Variants in ORC1 observed in about 807,000 individuals in gnomAD.
ORC1 encodes the protein origin recognition complex, subunit 1 homolog.
Under a neutral mutation model 98.9 loss-of-function variants are expected in ORC1, and 61 were observed. The observed-to-expected ratio is 0.62, with a 90% CI of 0.50 to 0.76. ORC1 has a LOEUF of 0.76. Ranked by LOEUF, ORC1 falls within the 30% of genes least tolerant of loss-of-function variation. The probability of loss-of-function intolerance (pLI) is 0.00; values close to 1 mark genes in which losing one functional copy is unlikely to be tolerated. For synonymous variants in ORC1, 385 were observed against 406.9 expected (o/e 0.95, Z 0.65); for missense variants, 979 against 1,072.2 (o/e 0.91, Z 1.21).
rs1400311570 is a variant in ORC1 at position 52,396,079 on chromosome 1, T to A, written c.688A>T (p.Thr230Ser). ...TCCAGCCTCTTTCTGGCTCTTGGGG[T>A]AAGAGGATGGGTAGGAGTTTGGCGA... is the stretch of plus-strand genomic sequence containing the variant. ...KSRQTPTHPLTPRARKRLELG... is the reference protein window; with the variant it reads ...KSRQTPTHPLSPRARKRLELG... The change falls in exon 5 of 17, where the codon ACC becomes TCC. Residue 230 changes from threonine (T) to serine (S), a missense_variant. Thr to Ser is a moderately conservative substitution (Grantham distance 58). Transcript: ENST00000371568. The A allele has an allele frequency of 1.2e-6, 2 of 1,613,956 alleles. No homozygotes were observed. The highest frequency in any genetic ancestry group is 1.7e-6 in the Non-Finnish European group (2 of 1,180,032).
At chr1:52,405,612 G>T, upstream of ORC1, 1 of 1,494,958 alleles carries the variant, frequency 6.7e-7, no homozygotes, top group South Asian at 1.2e-5. Flanking sequence ...ACCAAAGCTT[G>T]AACTAACTCC....
At chr1:52,397,549 G>A in intron 4 of ORC1, 136 bp downstream of exon 4, 1 of 836,936 alleles carries the variant, frequency 1.2e-6, no homozygotes, top group Middle Eastern at 3.4e-4. Flanking sequence ...AAACAGACAG[G>A]CAAGCACAGA....
At chr1:52,405,250 C>T (rs1647945204), upstream of ORC1, among the ~76,000 whole-genome samples, 1 of 152,216 alleles carries the variant, frequency 6.6e-6, no homozygotes, top group African/African-American at 2.4e-5. Flanking sequence ...CATGATCTTA[C>T]TATTCTTAGA....
intron 8 of ORC1, among the ~76,000 whole-genome samples, chr1:52,387,105 T>A (rs551566875): frequency 6.6e-6 from 1 of 152,262 alleles, no homozygotes; most frequent in East Asian, 1.9e-4. Context: ...TCCCTACTTT[T>A]GGGTGGGGGC....
At chr1:52,382,385 G>T (rs1343825574) in intron 13 of ORC1, among the ~76,000 whole-genome samples, 1 of 152,102 alleles carries the variant, frequency 6.6e-6, no homozygotes, top group East Asian at 1.9e-4. Flanking sequence ...ATTGAAGTGG[G>T]TGAGAGGATC....
At chr1:52,396,017 T>G in intron 5 of ORC1, 29 bp downstream of exon 5, 1 of 1,614,150 alleles carries the variant, frequency 6.2e-7, no homozygotes, top group Non-Finnish European at 8.5e-7. Context: ...GCCCCAGTAT[T>G]GCCCACGGTG....
At chr1:52,394,353 A>G (rs1482908059) in intron 5 of ORC1, among the ~76,000 whole-genome samples, 2 of 152,224 alleles carry the variant, frequency 1.3e-5, no homozygotes, top group Admixed American at 1.3e-4. Flanking sequence ...TCATTTGCAG[A>G]TACCAACTGA....
In ORC1 at chr1:52,385,878, G is replaced by A. The variant is rs750458650; in HGVS notation, c.1455C>T (p.Ala485=). The A allele has an allele frequency of 1.2e-6, 2 of 1,613,692 alleles. No homozygotes were observed. The highest frequency in any genetic ancestry group is 1.7e-6 in the Non-Finnish European group (2 of 1,179,816). The part of the protein sequence containing the change: ...RSRSLAAQEP[A]SVLEEARLRL... The stretch of plus-strand genomic sequence containing the variant: ...TCAGTCGGGCTTCCTCCAGCACACT[G>A]GCTGGCTCCTGGGCAGCCAGGCTTC... Residue 485 remains alanine (A), a synonymous_variant, in exon 9 of 17, where the codon GCC becomes GCT. Transcript: ENST00000371568.
At chr1:52,379,933 A>C (rs1647039801) in intron 14 of ORC1, among the ~76,000 whole-genome samples, 1 of 152,152 alleles carries the variant, frequency 6.6e-6, no homozygotes, top group Non-Finnish European at 1.5e-5. Flanking sequence ...CTCCGTCTCA[A>C]AACAAAAAAC....
rs1245990164 is a variant in ORC1 at position 52,393,423 on chromosome 1, T to G, written c.1082+20A>C. ...ATGTGAAGGATTTCAATTTGCTCTG[T>G]GGGTAATGTCCCTGGTCACCTCTTT... is the stretch of plus-strand genomic sequence containing the variant. On this transcript the variant is annotated intron_variant, in intron 6 of 16. Coordinates refer to ENST00000371568, the MANE Select transcript of ORC1 (RefSeq NM_004153.4). 6.2e-7 allele frequency: 1 copy of G among 1,614,066 alleles called. No individual in the cohort carries two copies. Among genetic ancestry groups the G allele is most frequent in the Non-Finnish European group, 8.5e-7 (1 of 1,179,952 alleles).
intron 13 of ORC1, among the ~76,000 whole-genome samples, chr1:52,382,030 G>A (rs561077113): frequency 2.0e-5 from 3 of 151,854 alleles, no homozygotes; most frequent in East Asian, 1.9e-4. Flanking sequence ...CCAGGCTACC[G>A]TGCAGTGGCA....
chr1:52,389,385 T>A, intron 6 of ORC1, 64 bp from the exon 7 acceptor site: 1 of 1,125,248 alleles, frequency 8.9e-7, no homozygotes, highest in Non-Finnish European at 1.4e-6. Context: ...CAAAAGGCAC[T>A]AGAAGATAGT....
At chr1:52,383,710 G>T in intron 12 of ORC1, 120 bp downstream of exon 12, 1 of 1,279,068 alleles carries the variant, frequency 7.8e-7, no homozygotes. Context: ...ACGCCTCTCA[G>T]CACCAGAAAA....
At chr1:52,405,023 TA>T, upstream of ORC1, 1 of 855,318 alleles carries the variant, frequency 1.2e-6, no homozygotes, top group East Asian at 2.5e-5. Context: ...GAGTGCCTGC[TA>T]AGTGCCTCGT....
At chr1:52,399,183 A>G (rs1167534078) in intron 3 of ORC1, among the ~76,000 whole-genome samples, 1 of 152,148 alleles carries the variant, frequency 6.6e-6, no homozygotes, top group Non-Finnish European at 1.5e-5. Context: ...CAAAACAAAA[A>G]TCCTAGCAAG....
At position 52,384,499 on chromosome 1, in the gene ORC1, T is replaced by C. The variant is rs1400549812; in HGVS notation, c.1755+51A>G. Reference sequence around the variant, plus strand: ...AATTAAGTAACTCTTTCCTTTTTCATGTGTCACGAAGAAACAGCATTTTCC... The same window carrying C: ...AATTAAGTAACTCTTTCCTTTTTCACGTGTCACGAAGAAACAGCATTTTCC... On this transcript the variant is annotated intron_variant, in intron 11 of 16. Coordinates refer to ENST00000371568, the MANE Select transcript of ORC1 (RefSeq NM_004153.4). The C allele has an allele frequency of 4.0e-6, 6 of 1,514,936 alleles. No individual in the cohort carries two copies. The Admixed American group carries it at 6.7e-5, about 17-fold the overall frequency. 93.8% of individuals were successfully genotyped at this position (1,514,936 alleles called of 1,614,324 possible).
At chr1:52,403,444 C>A (rs1045216848) in intron 1 of ORC1, among the ~76,000 whole-genome samples, 2 of 152,126 alleles carry the variant, frequency 1.3e-5, no homozygotes, top group Non-Finnish European at 1.5e-5. Flanking sequence ...CCACATATTG[C>A]CCTCCATTAA....
chr1:52,373,576 G>A (rs1646961383), intron 16 of ORC1, among the ~76,000 whole-genome samples: 1 of 152,134 alleles, frequency 6.6e-6, no homozygotes, highest in South Asian at 2.1e-4. Flanking sequence ...AAAACAGCAG[G>A]CCCGAATCCT....
upstream of ORC1, chr1:52,404,684 C>G: frequency 6.4e-7 from 1 of 1,556,520 alleles, no homozygotes; most frequent in African/African-American, 1.4e-5. Flanking sequence ...CCTCTAGGTG[C>G]TTTTTCTGAA....
Sources: gnomAD v4.1 joint callset for allele counts (sites outside exome capture counted in the v4.1 genomes callset) on GRCh38, gnomAD v4.1.1 for gene constraint, MANE v1.5 for transcripts, NCBI Gene and HGNC (gene_info 2026-07-23, HGNC 2026-07-21) for gene names.